Variants in PDE4A observed in about 807,000 individuals in gnomAD.
PDE4A encodes the protein phosphodiesterase 4A.
Under a neutral mutation model 73.9 loss-of-function variants are expected in PDE4A, and 21 were observed. That is an observed-to-expected ratio of 0.28 (90% CI 0.20 to 0.41). The LOEUF (loss-of-function observed/expected upper bound fraction) is 0.41. PDE4A is among the 10% of genes least tolerant of loss of function. PDE4A has a pLI of 1.00. For missense variants in PDE4A, 958 were observed against 1,211.4 expected (o/e 0.79, Z 3.10); for synonymous variants, 463 against 505.4 (o/e 0.92, Z 1.13).
chr19:10,463,983 C>T lies in PDE4A; in HGVS notation c.1926+8C>T. 6.2e-7 allele frequency: 1 copy of T among 1,614,058 alleles called. No homozygotes were observed. The highest frequency in any genetic ancestry group is 8.5e-7 in the Non-Finnish European group (1 of 1,179,962). On this transcript the variant is annotated splice_region_variant and intron_variant, in intron 14 of 14. Coordinates refer to ENST00000380702, the MANE Select transcript of PDE4A (RefSeq NM_001111307.2). The stretch of plus-strand genomic sequence containing the variant: ...TCCGTGGAGAAGTCTCAGGTACAGG[C>T]TCGGGGCATTGATGGACGGGCACAG...
intron 1 of PDE4A, among the ~76,000 whole-genome samples, chr19:10,440,628 T>A (rs2145502484): frequency 6.6e-6 from 1 of 152,270 alleles, no homozygotes; most frequent in East Asian, 1.9e-4. Flanking sequence ...AGACAGAGTC[T>A]CGCTCTGTCA....
chr19:10,463,423 A>T (rs2043309786), intron 13 of PDE4A, among the ~76,000 whole-genome samples: 3 of 104,752 alleles, frequency 2.9e-5, no homozygotes, highest in African/African-American at 7.8e-5. Context: ...TTTTTCTGAG[A>T]TGGAGTCTCA....
At position 10,453,293 on chromosome 19, in the gene PDE4A, C is replaced by T. The variant is rs1278063979; in HGVS notation, c.784-1536C>T. 2 of 1,613,496 alleles carry T rather than the reference C, an allele frequency of 1.2e-6. No homozygotes were observed. Among genetic ancestry groups the T allele is most frequent in the East Asian group, 2.2e-5 (1 of 44,856 alleles). ...CCTTGGTGGATTTCTTCTGCGAGAC[C>T]TGCTCTAAGCCTTGGCTGGTGGGCT... On this transcript the variant is annotated intron_variant, in intron 6 of 14. Transcript: ENST00000380702. The surrounding 1 kb of genome is among the most constrained non-coding windows in gnomAD (Gnocchi z 4.6).
At chr19:10,420,477 G>A, upstream of PDE4A, 8 of 833,796 alleles carry the variant, frequency 9.6e-6, no homozygotes, top group Non-Finnish European at 1.0e-5. This position sits in a 1 kb window ranked among gnomAD's most constrained non-coding sequence, Gnocchi z 6.0. Context: ...GGGGCGGGAC[G>A]GGGCGGAGGA....
At position 10,458,467 on chromosome 19, in the gene PDE4A, G is replaced by A. The variant is rs993035326; in HGVS notation, c.1101+365G>A. On this transcript the variant is annotated intron_variant, in intron 8 of 14. Coordinates refer to ENST00000380702, the MANE Select transcript of PDE4A (RefSeq NM_001111307.2). The surrounding 1 kb of genome is among the most constrained non-coding windows in gnomAD (Gnocchi z 4.6). Reference sequence around the variant, plus strand: ...CATAGTGTCCCCAACAGTCCAGACCGGTGTTTCACTCCTAGCTCTTCCAGG... The same window carrying A: ...CATAGTGTCCCCAACAGTCCAGACCAGTGTTTCACTCCTAGCTCTTCCAGG... 9.9e-5 allele frequency among the ~76,000 whole-genome samples: 15 copies of A among 152,124 alleles called. No individual in the cohort carries two copies. The highest frequency in any genetic ancestry group is 1.4e-4 in the African/African-American group (6 of 41,426).
At chr19:10,452,993 C>T (rs910633217) in intron 6 of PDE4A, 3 of 1,282,008 alleles carry the variant, frequency 2.3e-6, no homozygotes, top group Non-Finnish European at 2.0e-6. Context: ...CCCTGCCCCC[C>T]TCCCATGGGC....
intron 6 of PDE4A, among the ~76,000 whole-genome samples, chr19:10,452,466 A>G (rs1278758145): frequency 6.6e-6 from 1 of 151,426 alleles, no homozygotes; most frequent in Non-Finnish European, 1.5e-5. Flanking sequence ...TGTGGCTGGT[A>G]TCTCGGTGTC....
chr19:10,461,196 G>A, intron 11 of PDE4A, 93 bp downstream of exon 11: 1 of 1,486,166 alleles, frequency 6.7e-7, no homozygotes. Context: ...GGAGGGGCTG[G>A]CTGGCCTGGG....
chr19:10,416,806 C>T (rs2042591885), upstream of PDE4A: 3 of 1,517,048 alleles, frequency 2.0e-6, no homozygotes, highest in South Asian at 2.4e-5. Flanking sequence ...AGGCAAGTGG[C>T]GGGGGCGGGT....
rs756974643 is a variant in PDE4A, at chr19:10,420,940, G to A, written c.176G>A (p.Arg59Gln). ...SDSAERAERE[R>Q]QPHRPIERAD... Reference sequence around the variant, plus strand: ...AGCGCGGAGCGCGCCGAGCGGGAGCGGCAGCCGCACCGGCCCATAGAGCGC... The same window carrying A: ...AGCGCGGAGCGCGCCGAGCGGGAGCAGCAGCCGCACCGGCCCATAGAGCGC... Residue 59 changes from arginine to glutamine, a missense_variant, in exon 1 of 15, where the codon CGG (arginine) becomes CAG (glutamine). Physicochemically the swap from Arg to Gln is conservative, Grantham distance 43. Transcript: ENST00000380702. The surrounding 1 kb of genome is among the most constrained non-coding windows in gnomAD (Gnocchi z 6.0). 3.2e-6 allele frequency: 5 copies of A among 1,568,230 alleles called. No homozygotes were observed. In the East Asian group the frequency reaches 9.5e-5, roughly 30 times the overall value.
upstream of PDE4A, chr19:10,417,605 G>A (rs545056853): frequency 5.3e-6 from 8 of 1,520,998 alleles, no homozygotes; most frequent in Admixed American, 7.8e-5. Flanking sequence ...TTGGGGAGAG[G>A]GGCTCAGAGC....
At chr19:10,433,950 G>T (rs1183926713) in intron 1 of PDE4A, among the ~76,000 whole-genome samples, 2 of 152,226 alleles carry the variant, frequency 1.3e-5, no homozygotes, top group Admixed American at 1.3e-4. Flanking sequence ...CACATTCTAG[G>T]CCGGGCGTGG....
At chr19:10,443,731 G>C (rs1225233404) in intron 1 of PDE4A, among the ~76,000 whole-genome samples, 1 of 152,000 alleles carries the variant, frequency 6.6e-6, no homozygotes, top group African/African-American at 2.4e-5. Context: ...ACCAGGCCAG[G>C]CGCAGTGGCT....
At chr19:10,429,580 C>G (rs570330440) in intron 1 of PDE4A, among the ~76,000 whole-genome samples, 1 of 152,088 alleles carries the variant, frequency 6.6e-6, no homozygotes, top group Non-Finnish European at 1.5e-5. Flanking sequence ...TCAAGTGATC[C>G]GCCCACCTTC....
intron 1 of PDE4A, among the ~76,000 whole-genome samples, chr19:10,444,390 C>A (rs566851082): frequency 6.6e-6 from 1 of 151,544 alleles, no homozygotes; most frequent in Non-Finnish European, 1.5e-5. Flanking sequence ...CCCAGCTACT[C>A]GGGAGACTAA....
chr19:10,463,102 G>GTT (rs34214178), intron 13 of PDE4A, among the ~76,000 whole-genome samples: 47 of 143,328 alleles, frequency 3.3e-4, no homozygotes, highest in East Asian at 1.0e-3. Flanking sequence ...TCTGTTTTTG[G>GTT]TTTTTTTTTT....
At position 10,461,014 on chromosome 19, in the gene PDE4A, C is replaced by G; in HGVS notation, c.1376C>G (p.Thr459Arg). 3 of 1,612,938 alleles carry G rather than the reference C, an allele frequency of 1.9e-6. No homozygotes were observed. Among genetic ancestry groups the G allele is most frequent in the Non-Finnish European group, 2.5e-6 (3 of 1,179,192 alleles). Residue 459 changes from threonine (T) to arginine (R), a missense_variant, in exon 11 of 15, where the codon ACG becomes AGG. Physicochemically the swap from Thr to Arg is moderately conservative, Grantham distance 71 (BLOSUM62 -1). Coordinates refer to ENST00000380702, the MANE Select transcript of PDE4A (RefSeq NM_001111307.2). ...TGTCTCTGCTCCCAGGCAGTGTTCA[C>G]GGACCTGGAGATTCTCGCCGCCCTC... The part of the protein sequence containing the change: ...LATPALDAVF[T>R]DLEILAALFA...
chr19:10,447,117 G>A (rs1190720839), intron 2 of PDE4A, among the ~76,000 whole-genome samples: 2 of 142,504 alleles, frequency 1.4e-5, no homozygotes, highest in Non-Finnish European at 3.0e-5. Context: ...AGCCAGGATG[G>A]TCTCGATCTC....
upstream of PDE4A, chr19:10,417,934 C>T: frequency 6.8e-7 from 1 of 1,469,094 alleles, no homozygotes; most frequent in African/African-American, 1.4e-5. Context: ...CTAGGTCCAG[C>T]CACCAGCCCT....
Sources: allele counts gnomAD v4.1 joint callset (sites outside exome capture counted in the v4.1 genomes callset), GRCh38; gene constraint gnomAD v4.1.1; non-coding constraint Gnocchi (gnomAD v3.1); transcripts MANE v1.5; gene names NCBI Gene and HGNC (gene_info 2026-07-23, HGNC 2026-07-21).